Variants in SNU13 observed in about 807,000 individuals in gnomAD.
The protein encoded by SNU13 is NHP2-like protein 1.
Under a neutral mutation model 12.4 loss-of-function variants are expected in SNU13, and 2 were observed. The observed-to-expected ratio is 0.16, with a 90% CI of 0.07 to 0.51. SNU13 has a LOEUF of 0.51. Ranked by LOEUF, SNU13 falls within the 20% of genes least tolerant of loss-of-function variation. SNU13 has a pLI of 0.96. For synonymous variants in SNU13, 68 were observed against 66.5 expected (o/e 1.02, Z -0.11); for missense variants, 66 against 157.8 (o/e 0.42, Z 3.12).
In SNU13 at chr22:41,682,409, G is replaced by A. The variant is rs371160702; in HGVS notation, c.4-2045C>T. Reference sequence around the variant, plus strand: ...CGGACACCGCGAGGATACCACGCGTGTCGGTTTGGACGGTCTGCTGCCCAG... The same window carrying A: ...CGGACACCGCGAGGATACCACGCGTATCGGTTTGGACGGTCTGCTGCCCAG... On this transcript the variant is annotated intron_variant, in intron 1 of 2. Coordinates refer to ENST00000401959, the MANE Select transcript of SNU13 (RefSeq NM_001003796.2). 2.0e-5 allele frequency: 32 copies of A among 1,613,588 alleles called. No homozygotes were observed. The East Asian group carries it at 5.8e-4, about 29-fold the overall frequency.
upstream of SNU13, chr22:41,688,960 G>T (rs901149433): frequency 7.3e-7 from 1 of 1,360,604 alleles, no homozygotes; most frequent in Non-Finnish European, 9.6e-7. Context: ...CCTCTACGGG[G>T]GCACTGGCGC....
intron 1 of SNU13, chr22:41,682,681 CATA>C: frequency 1.4e-6 from 1 of 726,180 alleles, no homozygotes; most frequent in Non-Finnish European, 2.0e-6. Context: ...TTCTCTTCCT[CATA>C]CATTTATTTA....
At chr22:41,682,658 C>T (rs1054750282) in intron 1 of SNU13, 8 of 1,001,564 alleles carry the variant, frequency 8.0e-6, no homozygotes, top group Middle Eastern at 3.5e-4. Context: ...AAGGGAAGAC[C>T]TCCATATTAT....
rs912476083 is a variant in SNU13 at position 41,680,363 on chromosome 22, G to C, written c.5C>G (p.Thr2Ser). Reference sequence around the variant, plus strand: ...GGCCTTTGGATTCACATCAGCCTCAGTCTATGGGGGGGACATAAAAATATC... The same window carrying C: ...GGCCTTTGGATTCACATCAGCCTCACTCTATGGGGGGGACATAAAAATATC... M[T>S]EADVNPKAYP... Residue 2 changes from threonine (T) to serine (S), a missense_variant and splice_region_variant, in exon 2 of 3, where the codon ACT becomes AGT. By Grantham distance (58) the Thr-to-Ser change is moderately conservative. Transcript: ENST00000401959. The C allele has an allele frequency of 3.7e-6, 6 of 1,608,438 alleles. No individual in the cohort carries two copies. The highest frequency in any genetic ancestry group is 5.1e-6 in the Non-Finnish European group (6 of 1,177,746).
Position 41,680,262 on chromosome 22 carries a change from G to A in SNU13, c.106C>T (p.Arg36Trp). The A allele has an allele frequency of 6.2e-7, 1 of 1,613,620 alleles. No homozygotes were observed. The highest frequency in any genetic ancestry group is 2.2e-5 in the East Asian group (1 of 44,866). Reference sequence around the variant, plus strand: ...GCCTTACCCTCATTGGCTCCTTTCCGAAGCTGCTTATAGTTACATGACTGC... The same window carrying A: ...GCCTTACCCTCATTGGCTCCTTTCCAAAGCTGCTTATAGTTACATGACTGC... The part of the protein sequence containing the change: ...VQQSCNYKQL[R>W]KGANEATKTL... Residue 36 changes from arginine to tryptophan, a missense_variant, in exon 2 of 3, where the codon CGG becomes TGG. Physicochemically the swap from Arg to Trp is moderately radical, Grantham distance 101. Coordinates refer to ENST00000401959, the MANE Select transcript of SNU13 (RefSeq NM_001003796.2).
chr22:41,676,095 C>A, intron 2 of SNU13, among the ~76,000 whole-genome samples: 1 of 152,144 alleles, frequency 6.6e-6, no homozygotes, highest in Non-Finnish European at 1.5e-5. Flanking sequence ...ACCTTGTCAA[C>A]TGCAACAGCT....
upstream of SNU13, chr22:41,688,993 A>G (rs1426337892): frequency 7.6e-7 from 1 of 1,323,280 alleles, no homozygotes; most frequent in Non-Finnish European, 9.7e-7. Context: ...TGTGTCGAAG[A>G]AGGAACGTAC....
upstream of SNU13, chr22:41,688,971 G>A: frequency 7.4e-7 from 1 of 1,351,162 alleles, no homozygotes; most frequent in Non-Finnish European, 9.6e-7. Context: ...GCACTGGCGC[G>A]GAAACTGGCC....
intron 2 of SNU13, among the ~76,000 whole-genome samples, chr22:41,676,142 T>C (rs1033937407): frequency 6.6e-6 from 1 of 152,152 alleles, no homozygotes; most frequent in Non-Finnish European, 1.5e-5. Flanking sequence ...AGTATATTAA[T>C]AATATAGTAT....
chr22:41,688,837 G>A lies in SNU13; in HGVS notation c.-41C>T, dbSNP rs777151557. 1.9e-6 allele frequency: 3 copies of A among 1,567,886 alleles called. No homozygotes were observed. Among genetic ancestry groups the A allele is most frequent in the South Asian group, 1.1e-5 (1 of 89,052 alleles). On this transcript the variant is annotated 5_prime_UTR_variant, in exon 1 of 3. Coordinates refer to ENST00000401959, the MANE Select transcript of SNU13 (RefSeq NM_001003796.2). Reference sequence around the variant, plus strand: ...GGCTCAGCACTCCTAGGGGAGCGCAGCTGACGTTTCAGAAGCACTCGCGTG... The same window carrying A: ...GGCTCAGCACTCCTAGGGGAGCGCAACTGACGTTTCAGAAGCACTCGCGTG...
chr22:41,688,982 C>T, upstream of SNU13: 1 of 1,334,172 alleles, frequency 7.5e-7, no homozygotes, highest in Non-Finnish European at 9.7e-7. Context: ...GAAACTGGCC[C>T]TGTGTCGAAG....
At chr22:41,681,135 A>G (rs1021591332) in intron 1 of SNU13, 2 of 152,204 alleles carry the variant, frequency 1.3e-5, no homozygotes, top group African/African-American at 4.8e-5. Context: ...GGTTTCCAAC[A>G]CATTAAAGTA....
intron 1 of SNU13, 152 bp from the exon 2 acceptor site, chr22:41,680,516 T>C (rs2068253920): frequency 7.2e-6 from 5 of 699,058 alleles, no homozygotes; most frequent in Non-Finnish European, 1.1e-5. Flanking sequence ...AACAATGGAC[T>C]TTCCACTCCT....
rs2068274013 is a variant in SNU13 at position 41,682,532 on chromosome 22, C to A, written c.4-2168G>T. 3 of 1,505,434 alleles carry A rather than the reference C, an allele frequency of 2.0e-6. No individual in the cohort carries two copies. In the African/African-American group the frequency reaches 4.1e-5, roughly 21 times the overall value. 93.3% of individuals were successfully genotyped at this position (1,505,434 alleles called of 1,614,324 possible). On this transcript the variant is annotated intron_variant, in intron 1 of 2. Coordinates refer to ENST00000401959, the MANE Select transcript of SNU13 (RefSeq NM_001003796.2). Reference sequence around the variant, plus strand: ...CAGGGCCAGCCCGTACACCAGGACGCCCTGTCTTCTACGTAACTCCTTATC... The same window carrying A: ...CAGGGCCAGCCCGTACACCAGGACGACCTGTCTTCTACGTAACTCCTTATC...
At chr22:41,680,433 T>C in intron 1 of SNU13, 69 bp from the exon 2 acceptor site, 1 of 1,534,268 alleles carries the variant, frequency 6.5e-7, no homozygotes, top group Non-Finnish European at 8.9e-7. Context: ...CACAAAATAC[T>C]AATCAACAAT....
At chr22:41,690,403 A>T, upstream of SNU13, 2 of 718,716 alleles carry the variant, frequency 2.8e-6, no homozygotes, top group East Asian at 5.4e-5. Context: ...CCTCCTAATT[A>T]CTTTTGAACA....
At chr22:41,681,510 G>A (rs1187192229) in intron 1 of SNU13, 2 of 152,162 alleles carry the variant, frequency 1.3e-5, no homozygotes, top group Admixed American at 6.5e-5. Context: ...TGCTGTATTA[G>A]GCGGTAACCA....
intron 2 of SNU13, among the ~76,000 whole-genome samples, chr22:41,675,825 A>G (rs775697581): frequency 6.9e-6 from 1 of 144,868 alleles, no homozygotes; most frequent in African/African-American, 2.6e-5. Context: ...ATCTTGGCTC[A>G]TTGCAACCTC....
chr22:41,675,783 C>T (rs1239975072), intron 2 of SNU13, among the ~76,000 whole-genome samples: 1 of 145,482 alleles, frequency 6.9e-6, no homozygotes, highest in Non-Finnish European at 1.5e-5. Flanking sequence ...TGGAGTCTCA[C>T]ACTGTCGCCC....
Sources: allele counts gnomAD v4.1 joint callset (sites outside exome capture counted in the v4.1 genomes callset), GRCh38; gene constraint gnomAD v4.1.1; transcripts MANE v1.5; gene names NCBI Gene and HGNC (gene_info 2026-07-23, HGNC 2026-07-21).